Variants in CPEB2 observed in about 807,000 individuals in gnomAD.
CPEB2 encodes cytoplasmic polyadenylation element-binding protein 2.
Under a neutral mutation model 93.6 loss-of-function variants are expected in CPEB2, and 56 were observed. That is an observed-to-expected ratio of 0.60 (90% CI 0.48 to 0.75). CPEB2 has a LOEUF of 0.75. Among genes scored for constraint, CPEB2 ranks in the 30% least tolerant of loss-of-function variants. The probability of loss-of-function intolerance (pLI) is 0.00; values close to 1 mark genes in which losing one functional copy is unlikely to be tolerated. For missense variants in CPEB2, 1,579 were observed against 1,395.1 expected, an observed-to-expected ratio of 1.13 and a Z score of -2.10; for synonymous variants, 764 against 586.3, an observed-to-expected ratio of 1.30 and a Z score of -4.38.
chr4:15,020,553 C>T (rs1724696950), intron 4 of CPEB2, among the ~76,000 whole-genome samples: 1 of 152,104 alleles, frequency 6.6e-6, no homozygotes, highest in Admixed American at 6.6e-5. Context: ...TCCTACTCCC[C>T]AGTGTTTTTT....
At chr4:15,053,312 G>A (rs956446317) in intron 7 of CPEB2, among the ~76,000 whole-genome samples, 10 of 152,022 alleles carry the variant, frequency 6.6e-5, no homozygotes, top group Non-Finnish European at 1.5e-4. Flanking sequence ...CACCATACCC[G>A]GCCAAAAGTT....
In CPEB2 at chr4:15,021,136, A is replaced by G. The variant is rs1044451639; in HGVS notation, c.2125+3858A>G. ...CAGTTAACACTGTCGAGAGTGTGCTATCTTTTGCTATGGATCGTGAACAGT... is the reference window on the plus strand; with the variant it reads ...CAGTTAACACTGTCGAGAGTGTGCTGTCTTTTGCTATGGATCGTGAACAGT... On this transcript the variant is annotated intron_variant, in intron 4 of 11. Transcript: ENST00000538197. Among the ~76,000 whole-genome samples the G allele has an allele frequency of 4.6e-5, 7 of 152,138 alleles. No individual in the cohort carries two copies. In the South Asian group the frequency reaches 6.2e-4, roughly 14 times the overall value.
chr4:15,062,132 A>G lies in CPEB2; in HGVS notation c.2749A>G (p.Ile917Val). ...RLYGGVCYAG[I>V]DTDPELKYPK... ...GTATGGTGGAGTTTGTTATGCAGGA[A>G]TTGATACAGATCCTGAGCTAAAATA... The change falls in exon 11 of 12, where the codon ATT (isoleucine) becomes GTT (valine). Residue 917 changes from isoleucine to valine, a missense_variant. Around this residue, in one of 2 missense-constraint regions of CPEB2, gnomAD observed 168 missense variants for 339.1 expected, o/e 0.50. Coordinates refer to ENST00000538197, the MANE Select transcript of CPEB2 (RefSeq NM_001177382.2). The G allele has an allele frequency of 6.2e-7, 1 of 1,612,506 alleles. No homozygotes were observed. Among genetic ancestry groups the G allele is most frequent in the Admixed American group, 1.7e-5 (1 of 59,954 alleles).
At chr4:15,052,345 G>A (rs1439937059) in intron 6 of CPEB2, 69 bp from the exon 7 acceptor site, 2 of 1,055,506 alleles carry the variant, frequency 1.9e-6, no homozygotes, top group African/African-American at 1.6e-5. Context: ...TTTGTCATTG[G>A]TATTTTTATG....
chr4:15,043,552 T>C (rs1727383799), intron 6 of CPEB2, among the ~76,000 whole-genome samples: 1 of 152,118 alleles, frequency 6.6e-6, no homozygotes, highest in Non-Finnish European at 1.5e-5. Flanking sequence ...AACATACTTG[T>C]CCAGGATTGA....
chr4:15,058,394 T>C (rs775650973), intron 8 of CPEB2, 27 bp from the exon 9 acceptor site: 7 of 1,347,854 alleles, frequency 5.2e-6, no homozygotes, highest in Admixed American at 1.8e-5. Flanking sequence ...GCTTGACATA[T>C]TGCCTCATCT....
At position 15,004,258 on chromosome 4, in the gene CPEB2, A is replaced by G; in HGVS notation, c.1585A>G (p.Ser529Gly). The G allele has an allele frequency of 6.7e-7, 1 of 1,486,118 alleles. No individual in the cohort carries two copies. Among genetic ancestry groups the G allele is most frequent in the Non-Finnish European group, 8.9e-7 (1 of 1,124,858 alleles). 92.1% of individuals were successfully genotyped at this position (1,486,118 alleles called of 1,614,324 possible). The change falls in exon 1 of 12, where the codon AGC (serine) becomes GGC (glycine). Residue 529 changes from serine (S) to glycine (G), a missense_variant. By Grantham distance (56) the Ser-to-Gly change is moderately conservative (BLOSUM62 0). This residue lies in a region of CPEB2 where 1,411 missense variants were observed against 1,056.0 expected (regional missense o/e 1.34). Coordinates refer to ENST00000538197, the MANE Select transcript of CPEB2 (RefSeq NM_001177382.2). ...GCCGCAGAGCCGGAGGTCGCCCGTCAGCCCGCAGCTCCAGCAGCAGCACCA... is the reference window on the plus strand; with the variant it reads ...GCCGCAGAGCCGGAGGTCGCCCGTCGGCCCGCAGCTCCAGCAGCAGCACCA... ...QQPQSRRSPV[S>G]PQLQQQHQAA...
intron 3 of CPEB2, among the ~76,000 whole-genome samples, chr4:15,015,618 A>G (rs1724039954): frequency 6.6e-6 from 1 of 152,032 alleles, no homozygotes; most frequent in Admixed American, 6.6e-5. Flanking sequence ...TCAGCTTTCT[A>G]AAGAACTGAT....
In CPEB2 at chr4:15,066,759, G is replaced by T. The variant is rs1729732049; in HGVS notation, c.*379G>T. The T allele has an allele frequency of 1.2e-5, 2 of 173,586 alleles. No homozygotes were observed. Among genetic ancestry groups the T allele is most frequent in the Admixed American group, 5.9e-5 (1 of 16,924 alleles). 10.8% of individuals were successfully genotyped at this position (173,586 alleles called of 1,614,324 possible). On this transcript the variant is annotated 3_prime_UTR_variant, in exon 12 of 12. Coordinates refer to ENST00000538197, the MANE Select transcript of CPEB2 (RefSeq NM_001177382.2). ...ACATGGGTTTTTAACTTCAAGATCTGCCCCAGTAATTTACCAAAGGTAGCA... is the reference window on the plus strand; with the variant it reads ...ACATGGGTTTTTAACTTCAAGATCTTCCCCAGTAATTTACCAAAGGTAGCA...
intron 2 of CPEB2, 44 bp downstream of exon 2, chr4:15,007,630 T>G: frequency 2.3e-6 from 3 of 1,311,820 alleles, no homozygotes; most frequent in Middle Eastern, 2.0e-4. Flanking sequence ...TGTTAATCTT[T>G]CAAAATAGGG....
Position 15,042,406 on chromosome 4 carries a change from C to T in CPEB2, c.2200+1919C>T, listed in dbSNP as rs1222319399. Among the ~76,000 whole-genome samples the T allele has an allele frequency of 5.9e-5, 9 of 152,144 alleles. No homozygotes were observed. In the East Asian group the frequency reaches 9.6e-4, roughly 16 times the overall value. The stretch of plus-strand genomic sequence containing the variant: ...ATCATTCCTATATATCTCTATCCCC[C>T]GTAAGCCATAAAGACTTATTCGGCT... On this transcript the variant is annotated intron_variant, in intron 6 of 11. Transcript: ENST00000538197.
At position 15,017,209 on chromosome 4, in the gene CPEB2, A is replaced by C. The variant is rs1225385870; in HGVS notation, c.2056A>C (p.Ser686Arg). The C allele has an allele frequency of 6.3e-7, 1 of 1,593,752 alleles. No homozygotes were observed. Among genetic ancestry groups the C allele is most frequent in the East Asian group, 2.2e-5 (1 of 44,592 alleles). ...CCAGGATCGAAGTAGAATGTATGAC[A>C]GTTTGAATATGCACTCTTTGGAAAA... is the stretch of plus-strand genomic sequence containing the variant. ...IDQDRSRMYDSLNMHSLENSL... is the reference protein window; with the variant it reads ...IDQDRSRMYDRLNMHSLENSL... The change falls in exon 4 of 12, where the codon AGT becomes CGT. Residue 686 changes from serine to arginine, a missense_variant. By Grantham distance (110) the Ser-to-Arg change is moderately radical. Around this residue, in one of 2 missense-constraint regions of CPEB2, gnomAD observed 1,411 missense variants for 1,056.0 expected, o/e 1.34. Transcript: ENST00000538197.
Position 15,003,110 on chromosome 4 carries a change from A to G in CPEB2, c.437A>G (p.His146Arg), listed in dbSNP as rs905646796. The G allele has an allele frequency of 2.0e-6, 3 of 1,524,568 alleles. No homozygotes were observed. The highest frequency in any genetic ancestry group is 2.6e-6 in the Non-Finnish European group (3 of 1,143,016). The allele number at this position is 1,524,568 out of a possible 1,614,324, so 94.4% of individuals were successfully genotyped here. ...CAGGACTTCAAACCGAGTCTGCACCACCCCTCCTCCTCCTCCGCCTCCTCC... is the reference window on the plus strand; with the variant it reads ...CAGGACTTCAAACCGAGTCTGCACCGCCCCTCCTCCTCCTCCGCCTCCTCC... ...PSQDFKPSLH[H>R]PSSSSASSCC... The change falls in exon 1 of 12, where the codon CAC becomes CGC. Residue 146 changes from histidine (H) to arginine (R), a missense_variant. Physicochemically the swap from His to Arg is conservative, Grantham distance 29. Coordinates refer to ENST00000538197, the MANE Select transcript of CPEB2 (RefSeq NM_001177382.2).
At position 15,002,899 on chromosome 4, in the gene CPEB2, C is replaced by T. The variant is rs1344430250; in HGVS notation, c.226C>T (p.Pro76Ser). The T allele has an allele frequency of 6.6e-7, 1 of 1,510,780 alleles. No homozygotes were observed. The highest frequency in any genetic ancestry group is 2.5e-5 in the East Asian group (1 of 40,482). The allele number at this position is 1,510,780 out of a possible 1,614,324, so 93.6% of individuals were successfully genotyped here. Residue 76 changes from proline (P) to serine (S), a missense_variant, in exon 1 of 12, where the codon CCG (proline) becomes TCG (serine). This residue lies in a region of CPEB2 where 1,411 missense variants were observed against 1,056.0 expected (regional missense o/e 1.34). Coordinates refer to ENST00000538197, the MANE Select transcript of CPEB2 (RefSeq NM_001177382.2). ...CCCCCTCGGCGGCGGCGCGGGCAGCCCGGCCGCCGCCGCTTCCTCTTCCTC... is the reference window on the plus strand; with the variant it reads ...CCCCCTCGGCGGCGGCGCGGGCAGCTCGGCCGCCGCCGCTTCCTCTTCCTC... ...SVPLGGGAGS[P>S]AAAASSSSPF...
At chr4:15,005,742 A>G (rs1402227274) in intron 1 of CPEB2, among the ~76,000 whole-genome samples, 2 of 152,246 alleles carry the variant, frequency 1.3e-5, no homozygotes, top group Non-Finnish European at 2.9e-5. Context: ...GACAGTGAAC[A>G]GTTTTTGTTG....
chr4:15,066,140 CT>C lies in CPEB2; in HGVS notation c.2878-5del, dbSNP rs770167620. The C allele has an allele frequency of 4.4e-6, 7 of 1,602,786 alleles. No homozygotes were observed. The highest frequency in any genetic ancestry group is 2.7e-5 in the African/African-American group (2 of 74,446). On this transcript the variant is annotated splice_polypyrimidine_tract_variant and intron_variant, in intron 11 of 11. Transcript: ENST00000538197. Reference sequence around the variant, plus strand: ...GCAGACCCTAATGAGACTTAACTTTCTTTTTTTTCAAGGTGGAGGTAAAGCC... The same window carrying C: ...GCAGACCCTAATGAGACTTAACTTTCTTTTTTTCAAGGTGGAGGTAAAGCC...
At chr4:15,038,811 A>C (rs529678639) in intron 5 of CPEB2, among the ~76,000 whole-genome samples, 1 of 151,218 alleles carries the variant, frequency 6.6e-6, no homozygotes, top group African/African-American at 2.4e-5. Context: ...CTGGTCTCCA[A>C]CTCCTGGACT....
rs1722180088 is a variant in CPEB2, at chr4:15,003,038, AC to A, written c.369del (p.Gly124AlafsTer8). ...AAATEKLPDH[H>X]PGGGTIAGVT... is the part of the protein sequence containing the mutation. ...GCCACGGAGAAACTCCCCGACCACC[AC>A]CCCGGCGGCGGCACGATCGCGGGTG... On this transcript the variant is annotated frameshift_variant, in exon 1 of 12. Coordinates refer to ENST00000538197, the MANE Select transcript of CPEB2 (RefSeq NM_001177382.2). LOFTEE classifies it high-confidence loss of function. 1.3e-6 allele frequency: 2 copies of A among 1,485,366 alleles called. No homozygotes were observed. Among genetic ancestry groups the A allele is most frequent in the East Asian group, 2.6e-5 (1 of 38,744 alleles). 92.0% of individuals were successfully genotyped at this position (1,485,366 alleles called of 1,614,324 possible).
chr4:15,030,529 A>T (rs1181313709), intron 4 of CPEB2, among the ~76,000 whole-genome samples: 1 of 152,108 alleles, frequency 6.6e-6, no homozygotes, highest in Admixed American at 6.6e-5. Context: ...AAATGCTGTT[A>T]GTTCTTACTA....
Sources: allele counts gnomAD v4.1 joint callset (sites outside exome capture counted in the v4.1 genomes callset), GRCh38; gene constraint gnomAD v4.1.1; regional missense constraint gnomAD v4.1.1; transcripts MANE v1.5; gene names NCBI Gene and HGNC (gene_info 2026-07-23, HGNC 2026-07-21).